MYT1L: variants seen among roughly 807,000 people sequenced by gnomAD.
MYT1L encodes the protein myelin transcription factor 1 like, also known as myelin transcription factor 1-like protein.
MYT1L carries 12 observed loss-of-function variants against 126.7 expected under a neutral mutation model. That is an observed-to-expected ratio of 0.09 (90% CI 0.06 to 0.15). The LOEUF is 0.15. Among genes scored for constraint, MYT1L ranks in the 10% least tolerant of loss-of-function variants. The pLI is 1.00. For missense variants in MYT1L, 979 were observed against 1,585.2 expected (o/e 0.62, Z 6.49); for synonymous variants, 541 against 604.2 (o/e 0.90, Z 1.53).
intron 3 of MYT1L, among the ~76,000 whole-genome samples, chr2:2,084,242 G>T (rs1575061255): frequency 6.6e-6 from 1 of 152,240 alleles, no homozygotes; most frequent in Admixed American, 6.5e-5. Context: ...TTTTAGTATA[G>T]ACTGAGAGGG....
chr2:2,319,752 AATATGCATATATATATATATAT>A (rs2096128042), intron 1 of MYT1L, among the ~76,000 whole-genome samples: 1 of 147,364 alleles, frequency 6.8e-6, no homozygotes, highest in African/African-American at 2.6e-5. Context: ...CTTTATCAGA[AATATGCATATATATATATATAT>A]ATATGCACAC....
intron 2 of MYT1L, among the ~76,000 whole-genome samples, chr2:2,191,541 T>C (rs1332787547): frequency 1.3e-5 from 2 of 152,114 alleles, no homozygotes; most frequent in Non-Finnish European, 2.9e-5. Flanking sequence ...CAGAATCCTT[T>C]CACATCCCCA....
chr2:2,064,521 A>C (rs1406967210), intron 3 of MYT1L, among the ~76,000 whole-genome samples: 1 of 152,040 alleles, frequency 6.6e-6, no homozygotes, highest in Non-Finnish European at 1.5e-5. Flanking sequence ...AATTATCATG[A>C]CCTCCCTGAG....
chr2:2,077,449 A>AT (rs1366936000), intron 3 of MYT1L, among the ~76,000 whole-genome samples: 1 of 152,214 alleles, frequency 6.6e-6, no homozygotes, highest in African/African-American at 2.4e-5. Context: ...AAGTTGCAAG[A>AT]TAAAAAGGCA....
intron 3 of MYT1L, among the ~76,000 whole-genome samples, chr2:2,172,338 C>G (rs1004824186): frequency 6.6e-6 from 1 of 152,184 alleles, no homozygotes; most frequent in Non-Finnish European, 1.5e-5. Flanking sequence ...ACCATTCCCT[C>G]CCCACTGGCC....
intron 2 of MYT1L, among the ~76,000 whole-genome samples, chr2:2,203,928 A>G (rs2093196573): frequency 1.3e-5 from 2 of 152,190 alleles, no homozygotes; most frequent in Admixed American, 1.3e-4. Flanking sequence ...GACCAATGGA[A>G]GAGAACAGAG....
intron 3 of MYT1L, among the ~76,000 whole-genome samples, chr2:2,170,838 G>A (rs1006211165): frequency 6.6e-6 from 1 of 152,148 alleles, no homozygotes; most frequent in East Asian, 1.9e-4. Context: ...TGGCTGTCAT[G>A]GTGACCTTTA....
intron 3 of MYT1L, among the ~76,000 whole-genome samples, chr2:2,079,174 G>T (rs1406124584): frequency 6.6e-6 from 1 of 151,988 alleles, no homozygotes; most frequent in Non-Finnish European, 1.5e-5. Context: ...TTTTGCTATA[G>T]TATGTCAAAT....
At chr2:2,205,194 C>T (rs2093265886) in intron 2 of MYT1L, among the ~76,000 whole-genome samples, 1 of 151,042 alleles carries the variant, frequency 6.6e-6, no homozygotes. Flanking sequence ...GTGCAGCACA[C>T]CAACATGGTA....
intron 2 of MYT1L, among the ~76,000 whole-genome samples, chr2:2,207,622 C>A (rs768325805): frequency 5.3e-5 from 8 of 152,166 alleles, no homozygotes; most frequent in Non-Finnish European, 7.4e-5. Context: ...ACTGAAAAAT[C>A]AAACTGATAA....
chr2:1,935,552 A>T (rs2149213194), intron 9 of MYT1L, among the ~76,000 whole-genome samples: 1 of 152,298 alleles, frequency 6.6e-6, no homozygotes, highest in South Asian at 2.1e-4. Context: ...CCCATCTCTC[A>T]ATCGTTTTTA....
chr2:2,021,846 G>A (rs1468351036), intron 4 of MYT1L, among the ~76,000 whole-genome samples: 3 of 152,182 alleles, frequency 2.0e-5, no homozygotes, highest in Admixed American at 6.5e-5. Context: ...GCAGTGAGCC[G>A]AGATCGTGCC....
At chr2:1,914,188 A>C (rs2052479768) in intron 11 of MYT1L, among the ~76,000 whole-genome samples, 1 of 151,100 alleles carries the variant, frequency 6.6e-6, no homozygotes, top group African/African-American at 2.4e-5. Context: ...CACGGGGCGG[A>C]GGTTGCAGTG....
chr2:1,935,254 C>T (rs2055705723), intron 9 of MYT1L, among the ~76,000 whole-genome samples: 1 of 152,162 alleles, frequency 6.6e-6, no homozygotes, highest in Non-Finnish European at 1.5e-5. Flanking sequence ...TTATGTATTT[C>T]TTCCAGAAAA....
intron 4 of MYT1L, among the ~76,000 whole-genome samples, chr2:1,998,631 T>C (rs2062084003): frequency 6.6e-6 from 1 of 152,130 alleles, no homozygotes; most frequent in African/African-American, 2.4e-5. Context: ...CCTCAGAAGG[T>C]TAAAAATCCT....
At chr2:2,326,065 G>C (rs2096242633) in intron 1 of MYT1L, 1 of 152,258 alleles carries the variant, frequency 6.6e-6, no homozygotes, top group Admixed American at 6.5e-5. Context: ...TGGCCATCAA[G>C]CCAAATCCTG....
At chr2:2,305,181 G>A (rs1573394332) in intron 1 of MYT1L, among the ~76,000 whole-genome samples, 2 of 152,224 alleles carry the variant, frequency 1.3e-5, no homozygotes, top group East Asian at 1.9e-4. Context: ...TCTCTGCAAA[G>A]CCTATATAAC....
At chr2:1,878,138 C>G (rs1188350923) in intron 18 of MYT1L, among the ~76,000 whole-genome samples, 1 of 152,202 alleles carries the variant, frequency 6.6e-6, no homozygotes, top group Non-Finnish European at 1.5e-5. Context: ...TGGTTTTTCA[C>G]AATAGTGTAA....
At chr2:2,276,756 C>G (rs2149374705) in intron 2 of MYT1L, among the ~76,000 whole-genome samples, 1 of 152,202 alleles carries the variant, frequency 6.6e-6, no homozygotes, top group South Asian at 2.1e-4. Flanking sequence ...ACTGTCCTCT[C>G]CATTTCCCAT....
Sources: gnomAD v4.1 joint callset for allele counts (sites outside exome capture counted in the v4.1 genomes callset) on GRCh38, gnomAD v4.1.1 for gene constraint, MANE v1.5 for transcripts, NCBI Gene and HGNC (gene_info 2026-07-23, HGNC 2026-07-21) for gene names.